RNF138: variants seen among roughly 807,000 people sequenced by gnomAD.
RNF138 encodes the protein ring finger protein 138.
In RNF138, 12 loss-of-function variants were observed where a neutral mutation model predicts 31.0. The observed-to-expected ratio is 0.39, with a 90% CI of 0.25 to 0.63. RNF138 has a LOEUF of 0.63. Among genes scored for constraint, RNF138 ranks in the 20% least tolerant of loss-of-function variants. The probability of loss-of-function intolerance (pLI) is 0.52; values close to 1 mark genes in which losing one functional copy is unlikely to be tolerated. For synonymous variants in RNF138, 105 were observed against 99.5 expected, an observed-to-expected ratio of 1.06 and a Z score of -0.33; for missense variants, 192 against 300.1, an observed-to-expected ratio of 0.64 and a Z score of 2.66.
chr18:32,128,313 G>A (rs577204401), intron 7 of RNF138, among the ~76,000 whole-genome samples: 1 of 152,332 alleles, frequency 6.6e-6, no homozygotes, highest in Admixed American at 6.5e-5. Context: ...CGAGGCGGGT[G>A]GATCACCTGA....
intron 2 of RNF138, among the ~76,000 whole-genome samples, chr18:32,107,355 A>G (rs1598852235): frequency 1.4e-5 from 2 of 147,504 alleles, no homozygotes; most frequent in African/African-American, 5.0e-5. Context: ...AACTCAGCTC[A>G]GGCAGTCCGC....
chr18:32,111,655 T>A, intron 2 of RNF138, 99 bp from the exon 3 acceptor site: 1 of 964,682 alleles, frequency 1.0e-6, no homozygotes, highest in Non-Finnish European at 1.6e-6. Flanking sequence ...CTAACTTATT[T>A]AATATGAATA....
chr18:32,097,938 GTATATA>G (rs202005922), intron 2 of RNF138, among the ~76,000 whole-genome samples: 5 of 135,570 alleles, frequency 3.7e-5, no homozygotes, highest in Non-Finnish European at 6.2e-5. Context: ...ATATGTGTAT[GTATATA>G]TGTGTGTGTG....
intron 2 of RNF138, among the ~76,000 whole-genome samples, chr18:32,097,944 ATGTGTGTGTG>A (rs34814991): frequency 8.1e-4 from 71 of 87,386 alleles, no homozygotes; most frequent in African/African-American, 2.0e-3. Context: ...GTATGTATAT[ATGTGTGTGTG>A]TGTGTGTGTG....
At chr18:32,106,466 T>C (rs2144585133) in intron 2 of RNF138, among the ~76,000 whole-genome samples, 1 of 152,318 alleles carries the variant, frequency 6.6e-6, no homozygotes, top group African/African-American at 2.4e-5. Context: ...GATGCTAATC[T>C]GATTCTCTTT....
intron 2 of RNF138, among the ~76,000 whole-genome samples, chr18:32,097,858 T>G (rs1325651634): frequency 1.3e-5 from 2 of 151,988 alleles, no homozygotes; most frequent in Non-Finnish European, 2.9e-5. Context: ...CTCACTCTGT[T>G]GCTCGGGCTA....
chr18:32,116,887 A>G (rs957883778), intron 4 of RNF138, among the ~76,000 whole-genome samples: 9 of 150,286 alleles, frequency 6.0e-5, no homozygotes, highest in Admixed American at 6.7e-5. Context: ...GCCTGGCCAG[A>G]AATGTTTATT....
rs7228516 is a variant in RNF138, at chr18:32,111,069, C to T, written c.111-685C>T. 7.3e-3 allele frequency among the ~76,000 whole-genome samples: 1,108 copies of T among 152,330 alleles called. 19 individuals carry two copies. Among genetic ancestry groups the T allele is most frequent in the African/African-American group, 0.025 (1,058 of 41,578 alleles). On this transcript the variant is annotated intron_variant, in intron 2 of 7. Coordinates refer to ENST00000261593, the MANE Select transcript of RNF138 (RefSeq NM_016271.5). The stretch of plus-strand genomic sequence containing the variant: ...TGCTGGGATTACAGGCGTGAGCCAC[C>T]GTGCCCGGCAAAGCCGGAAGTATTC...
At chr18:32,112,288 C>G (rs2040144771) in intron 3 of RNF138, among the ~76,000 whole-genome samples, 1 of 152,192 alleles carries the variant, frequency 6.6e-6, no homozygotes, top group Non-Finnish European at 1.5e-5. Context: ...ATCATTATTG[C>G]AGCTTTACAC....
chr18:32,115,755 ACACGCACACACACG>A (rs757801996), intron 4 of RNF138, among the ~76,000 whole-genome samples: 24 of 152,054 alleles, frequency 1.6e-4, no homozygotes, highest in African/African-American at 5.5e-4. Context: ...AAACACACAC[ACACGCACACACACG>A]CACGCACGCA....
chr18:32,093,684 G>A (rs2039752080), intron 2 of RNF138, among the ~76,000 whole-genome samples: 1 of 152,336 alleles, frequency 6.6e-6, no homozygotes, highest in East Asian at 1.9e-4. Context: ...CAGGGTGGGG[G>A]AGAACACAAA....
At chr18:32,118,054 G>A in intron 4 of RNF138, among the ~76,000 whole-genome samples, 1 of 152,016 alleles carries the variant, frequency 6.6e-6, no homozygotes, top group Non-Finnish European at 1.5e-5. Flanking sequence ...GGCTCATACA[G>A]TTTATTTCAA....
intron 2 of RNF138, 112 bp downstream of exon 2, chr18:32,092,998 C>T: frequency 3.7e-6 from 2 of 541,140 alleles, no homozygotes; most frequent in Non-Finnish European, 3.1e-6. Context: ...GCGGCCTGCC[C>T]GAGCGTCGCT....
intron 2 of RNF138, among the ~76,000 whole-genome samples, chr18:32,098,777 C>A (rs951037193): frequency 6.7e-6 from 1 of 149,802 alleles, no homozygotes; most frequent in Non-Finnish European, 1.5e-5. Flanking sequence ...GGCATGAACC[C>A]GGGAGGTGGA....
rs2144305861 is a variant in RNF138, at chr18:32,129,363, T to TA, written c.*182dup. On this transcript the variant is annotated 3_prime_UTR_variant, in exon 8 of 8. Transcript: ENST00000261593. Reference sequence around the variant, plus strand: ...TAAAAACTTCATCATCTTGATAAGTTAAAAAATGAAAGTTATGACATTAGC... The same window carrying TA: ...TAAAAACTTCATCATCTTGATAAGTTAAAAAAATGAAAGTTATGACATTAGC... The TA allele has an allele frequency of 1.9e-6, 1 of 513,838 alleles. No individual in the cohort carries two copies. Among genetic ancestry groups the TA allele is most frequent in the Non-Finnish European group, 3.5e-6 (1 of 287,756 alleles). The allele number at this position is 513,838 out of a possible 1,614,324, so 31.8% of individuals were successfully genotyped here.
intron 7 of RNF138, among the ~76,000 whole-genome samples, 157 bp downstream of exon 7, chr18:32,126,957 C>T (rs764669071): frequency 6.6e-5 from 10 of 152,086 alleles, no homozygotes; most frequent in Non-Finnish European, 1.3e-4. Flanking sequence ...TGAACTTTAG[C>T]TTGTAGAAAT....
At chr18:32,101,165 G>A (rs1302026800) in intron 2 of RNF138, among the ~76,000 whole-genome samples, 1 of 151,312 alleles carries the variant, frequency 6.6e-6, no homozygotes, top group Non-Finnish European at 1.5e-5. Flanking sequence ...GCAGGGCTTT[G>A]TATTTGAATG....
At chr18:32,092,571 T>G (rs1415914534) in intron 1 of RNF138, 129 bp from the exon 2 acceptor site, 6 of 554,066 alleles carry the variant, frequency 1.1e-5, no homozygotes, top group East Asian at 3.2e-5. Flanking sequence ...GTGGGAGGGG[T>G]CGCCTCTTGC....
chr18:32,114,042 C>T (rs1414715757), intron 4 of RNF138, 182 bp downstream of exon 4: 4 of 416,782 alleles, frequency 9.6e-6, no homozygotes, highest in Non-Finnish European at 1.7e-5. Context: ...CACACGTAAG[C>T]TCTCATCTGG....
Sources: allele counts gnomAD v4.1 joint callset (sites outside exome capture counted in the v4.1 genomes callset), GRCh38; gene constraint gnomAD v4.1.1; transcripts MANE v1.5; gene names NCBI Gene and HGNC (gene_info 2026-07-23, HGNC 2026-07-21).